COMMD6: variants seen among roughly 807,000 people sequenced by gnomAD.
COMMD6 encodes COMM domain-containing protein 6.
COMMD6 carries 11 observed loss-of-function variants against 13.4 expected under a neutral mutation model. That is an observed-to-expected ratio of 0.82 (90% confidence interval 0.52 to 1.36). The LOEUF is 1.36. Ranked by LOEUF, COMMD6 falls within the 40% of genes most tolerant of loss-of-function variation. COMMD6 has a pLI of 0.00. For missense variants in COMMD6, 124 were observed against 102.4 expected (o/e 1.21, Z -0.91); for synonymous variants, 43 against 36.5 (o/e 1.18, Z -0.64).
intron 1 of COMMD6, among the ~76,000 whole-genome samples, chr13:75,546,830 A>G (rs1447852116): frequency 6.6e-6 from 1 of 152,236 alleles, no homozygotes; most frequent in Non-Finnish European, 1.5e-5. Context: ...GGGGATGTAC[A>G]ATGTTTTAGT....
chr13:75,527,958 T>C (rs867034446), intron 3 of COMMD6: 83 of 1,257,214 alleles, frequency 6.6e-5, no homozygotes, highest in Middle Eastern at 4.2e-4. Flanking sequence ...AATATTGTTA[T>C]TGTTTACTTG....
At chr13:75,539,279 C>G (rs1446601130), upstream of COMMD6, among the ~76,000 whole-genome samples, 1 of 151,600 alleles carries the variant, frequency 6.6e-6, no homozygotes, top group Non-Finnish European at 1.5e-5. Flanking sequence ...CACTCTGTCA[C>G]CCAGACTGGA....
chr13:75,540,338 ACACACC>A (rs1555271312), upstream of COMMD6, among the ~76,000 whole-genome samples: 271 of 81,694 alleles, frequency 3.3e-3, 1 homozygote, highest in African/African-American at 0.011. Flanking sequence ...ACACACACAC[ACACACC>A]CACACACACA....
At chr13:75,540,340 A>ACACC (rs762115123), upstream of COMMD6, among the ~76,000 whole-genome samples, 500 of 105,168 alleles carry the variant, frequency 4.8e-3, 5 homozygotes, top group African/African-American at 0.019. Flanking sequence ...ACACACACAC[A>ACACC]CACCCACACA....
chr13:75,536,650 G>A (rs1179798003), intron 2 of COMMD6, among the ~76,000 whole-genome samples: 1 of 152,184 alleles, frequency 6.6e-6, no homozygotes, highest in Non-Finnish European at 1.5e-5. Flanking sequence ...AAGCTAAGGA[G>A]GAAACATTCT....
Position 75,532,557 on chromosome 13 carries a change from T to C in COMMD6, c.55-2291A>G, listed in dbSNP as rs186504951. On this transcript the variant is annotated intron_variant, in intron 2 of 3. Transcript: ENST00000682242. ...AGAACATTTTATCTGTCTTGCTGGG[T>C]GCGGTGGCTCACGCCTGTAATCCCA... 8.5e-3 allele frequency among the ~76,000 whole-genome samples: 1,295 copies of C among 152,228 alleles called. 18 individuals carry two copies. The highest frequency in any genetic ancestry group is 0.027 in the African/African-American group (1,126 of 41,540).
At chr13:75,542,799 A>G (rs1377325935), upstream of COMMD6, among the ~76,000 whole-genome samples, 2 of 152,244 alleles carry the variant, frequency 1.3e-5, no homozygotes, top group Non-Finnish European at 2.9e-5. Context: ...AGGGAGTGTT[A>G]GAGTGATAGA....
At chr13:75,544,944 A>G (rs982585473) in intron 1 of COMMD6, among the ~76,000 whole-genome samples, 1 of 131,370 alleles carries the variant, frequency 7.6e-6, no homozygotes, top group African/African-American at 2.6e-5. Flanking sequence ...AAAAAAAAAC[A>G]AAAAACAAGA....
chr13:75,537,902 G>A (rs2138425633), upstream of COMMD6: 1 of 1,308,016 alleles, frequency 7.6e-7, no homozygotes, highest in Non-Finnish European at 1.1e-6. Context: ...GGCGCATGGG[G>A]CGGACGTAGC....
intron 2 of COMMD6, among the ~76,000 whole-genome samples, chr13:75,537,209 G>C (rs1345119811): frequency 6.6e-6 from 1 of 152,186 alleles, no homozygotes; most frequent in Non-Finnish European, 1.5e-5. Context: ...AAACAGAAAT[G>C]GGGCTAAGAT....
intron 2 of COMMD6, chr13:75,537,355 A>T: frequency 6.4e-7 from 1 of 1,550,714 alleles, no homozygotes; most frequent in Non-Finnish European, 8.7e-7. Flanking sequence ...AATTTTCCTA[A>T]CTTCTTTATC....
upstream of COMMD6, among the ~76,000 whole-genome samples, chr13:75,539,920 C>T (rs1194403561): frequency 1.3e-5 from 2 of 151,752 alleles, no homozygotes; most frequent in African/African-American, 4.8e-5. Context: ...ACACAGAACA[C>T]TGCTGTGCAT....
intron 1 of COMMD6, among the ~76,000 whole-genome samples, chr13:75,548,997 AC>A (rs1233015167): frequency 1.6e-4 from 24 of 152,226 alleles, no homozygotes; most frequent in Middle Eastern, 3.4e-3. Context: ...GGTAAAGTCT[AC>A]CATCTTTTAA....
chr13:75,534,796 G>C (rs1458944966), intron 2 of COMMD6, among the ~76,000 whole-genome samples: 1 of 152,180 alleles, frequency 6.6e-6, no homozygotes, highest in Non-Finnish European at 1.5e-5. Flanking sequence ...TGTGGAGGCT[G>C]AAGTTACTAG....
At chr13:75,544,779 T>TA (rs1310661645) in intron 1 of COMMD6, among the ~76,000 whole-genome samples, 2 of 150,966 alleles carry the variant, frequency 1.3e-5, no homozygotes, top group Non-Finnish European at 3.0e-5. Context: ...TAAAATAAAA[T>TA]AAAATAAAAT....
At chr13:75,544,760 G>GAAATAAAATA (rs543689245) in intron 1 of COMMD6, among the ~76,000 whole-genome samples, 5 of 151,314 alleles carry the variant, frequency 3.3e-5, no homozygotes, top group African/African-American at 7.3e-5. Context: ...CTTTGTCTCA[G>GAAATAAAATA]AAATAAAATA....
upstream of COMMD6, chr13:75,538,031 A>C: frequency 2.2e-6 from 1 of 454,968 alleles, no homozygotes; most frequent in East Asian, 3.4e-5. Context: ...AAGATTTGGG[A>C]GATACTTTGA....
At position 75,526,515 on chromosome 13, in the gene COMMD6, T is replaced by G; in HGVS notation, c.*74A>C. The G allele has an allele frequency of 1.0e-6, 1 of 953,106 alleles. No homozygotes were observed. The highest frequency in any genetic ancestry group is 1.6e-6 in the Non-Finnish European group (1 of 623,542). 59.0% of individuals were successfully genotyped at this position (953,106 alleles called of 1,614,324 possible). On this transcript the variant is annotated 3_prime_UTR_variant, in exon 4 of 4. Coordinates refer to ENST00000682242, the MANE Select transcript of COMMD6 (RefSeq NM_203495.4). ...TTTCATTCAATAAATGTTCCATCCT[T>G]ATTTAGTTTTGTTGCCGAAAGTGAA...
chr13:75,533,116 A>G (rs1207138387), intron 2 of COMMD6, among the ~76,000 whole-genome samples: 1 of 151,790 alleles, frequency 6.6e-6, no homozygotes, highest in Non-Finnish European at 1.5e-5. Flanking sequence ...TATTTTTAGT[A>G]GAGACAGGGT....
Sources: gnomAD v4.1 joint callset for allele counts (sites outside exome capture counted in the v4.1 genomes callset) on GRCh38, gnomAD v4.1.1 for gene constraint, MANE v1.5 for transcripts, NCBI Gene and HGNC (gene_info 2026-07-23, HGNC 2026-07-21) for gene names.